Variants in DOCK3 observed in about 807,000 individuals in gnomAD.
DOCK3 encodes dedicator of cytokinesis protein 3.
DOCK3 carries 60 observed loss-of-function variants against 265.6 expected under a neutral mutation model. The ratio of observed to expected loss-of-function variants is 0.23; its 90% CI spans 0.18 to 0.28. The LOEUF (loss-of-function observed/expected upper bound fraction) is 0.28, where lower values mean the gene tolerates loss of function less well. Ranked by LOEUF, DOCK3 falls within the 10% of genes least tolerant of loss-of-function variation. DOCK3 has a pLI of 1.00. For missense variants in DOCK3, 1,981 were observed against 2,594.3 expected, an observed-to-expected ratio of 0.76 and a Z score of 5.14; for synonymous variants, 881 against 938.0, an observed-to-expected ratio of 0.94 and a Z score of 1.11.
chr3:51,151,252 T>G (rs2085574955), intron 10 of DOCK3, among the ~76,000 whole-genome samples: 1 of 152,194 alleles, frequency 6.6e-6, no homozygotes, highest in Non-Finnish European at 1.5e-5. Context: ...TGATGGGTCT[T>G]GACTCTTTAT....
rs555699913 is a variant in DOCK3, at chr3:51,177,754, G to A, written c.1037+17052G>A. On this transcript the variant is annotated intron_variant, in intron 12 of 52. Coordinates refer to ENST00000266037, the MANE Select transcript of DOCK3 (RefSeq NM_004947.5). ...ATCTGTAATCCCAGAACTTTGGGAGGCCGAGACAGGCAGATGATCTGAGGT... is the reference window on the plus strand; with the variant it reads ...ATCTGTAATCCCAGAACTTTGGGAGACCGAGACAGGCAGATGATCTGAGGT... Among the ~76,000 whole-genome samples, 17 of 152,260 alleles carry A rather than the reference G, an allele frequency of 1.1e-4. No individual in the cohort carries two copies. In the East Asian group the frequency reaches 2.7e-3, roughly 24 times the overall value.
At chr3:51,062,546 G>A (rs139228604) in intron 5 of DOCK3, among the ~76,000 whole-genome samples, 2,579 of 152,088 alleles carry the variant, frequency 0.017, 53 homozygotes, top group African/African-American at 0.042. Context: ...GCCTACCCTT[G>A]GCCACTCTGA....
At chr3:50,948,257 G>A (rs1205981076) in intron 5 of DOCK3, among the ~76,000 whole-genome samples, 2 of 151,092 alleles carry the variant, frequency 1.3e-5, no homozygotes, top group African/African-American at 4.9e-5. Context: ...GGGTTTCACT[G>A]TGTTAGCCAG....
At chr3:51,151,112 C>G (rs1391119198) in intron 10 of DOCK3, among the ~76,000 whole-genome samples, 2 of 151,844 alleles carry the variant, frequency 1.3e-5, no homozygotes, top group Non-Finnish European at 2.9e-5. Flanking sequence ...TCTGCCTTAT[C>G]AGAGACTAGG....
chr3:50,796,267 G>A (rs1386164308), intron 2 of DOCK3, among the ~76,000 whole-genome samples: 1 of 151,868 alleles, frequency 6.6e-6, no homozygotes, highest in South Asian at 2.1e-4. Flanking sequence ...TCCTGACCTC[G>A]TGATCCGCCC....
intron 5 of DOCK3, among the ~76,000 whole-genome samples, chr3:51,024,234 C>T (rs1442531655): frequency 2.6e-5 from 4 of 152,174 alleles, no homozygotes; most frequent in African/African-American, 9.7e-5. Context: ...GGCCAGTTCA[C>T]TGTCTCCTAT....
intron 3 of DOCK3, among the ~76,000 whole-genome samples, chr3:50,868,755 T>C (rs747260118): frequency 1.2e-4 from 19 of 152,248 alleles, no homozygotes; most frequent in Admixed American, 5.2e-4. Flanking sequence ...GTAAGTTGGA[T>C]GTCTAGGAAT....
chr3:51,091,798 C>T (rs533621089), intron 9 of DOCK3, among the ~76,000 whole-genome samples: 6 of 152,154 alleles, frequency 3.9e-5, no homozygotes, highest in South Asian at 2.1e-4. Context: ...GCATTTCAGC[C>T]GAGGTACCCG....
At position 51,232,730 on chromosome 3, in the gene DOCK3, G is replaced by T. The variant is rs185061117; in HGVS notation, c.1917+3121G>T. ...CCACTTTTTGATGGGATTATTTGTGGTTTTTTGCTGATTTGTTTGAGCTCC... is the reference window on the plus strand; with the variant it reads ...CCACTTTTTGATGGGATTATTTGTGTTTTTTTGCTGATTTGTTTGAGCTCC... On this transcript the variant is annotated intron_variant, in intron 19 of 52. Coordinates refer to ENST00000266037, the MANE Select transcript of DOCK3 (RefSeq NM_004947.5). Among the ~76,000 whole-genome samples the T allele has an allele frequency of 5.3e-5, 8 of 152,154 alleles. No individual in the cohort carries two copies. The East Asian group carries it at 1.2e-3, about 22-fold the overall frequency.
At chr3:51,278,308 G>C in intron 26 of DOCK3, 1 of 985,408 alleles carries the variant, frequency 1.0e-6, no homozygotes, top group Non-Finnish European at 1.2e-6. Context: ...AAACTGGGAA[G>C]GCTTCTCAGG....
intron 5 of DOCK3, among the ~76,000 whole-genome samples, chr3:51,044,679 C>T (rs987053133): frequency 1.1e-4 from 16 of 151,710 alleles, no homozygotes; most frequent in African/African-American, 3.6e-4. Flanking sequence ...CTGTTGTTTC[C>T]TGTACCCATG....
intron 4 of DOCK3, among the ~76,000 whole-genome samples, chr3:50,933,266 G>A (rs1046093846): frequency 2.0e-5 from 3 of 152,132 alleles, no homozygotes; most frequent in Non-Finnish European, 4.4e-5. Context: ...TACTGTCCAT[G>A]TCTGTCTGAT....
At chr3:51,277,819 C>A in intron 26 of DOCK3, 65 bp downstream of exon 26, 1 of 1,558,844 alleles carries the variant, frequency 6.4e-7, no homozygotes, top group Non-Finnish European at 8.7e-7. Flanking sequence ...CACAACACTC[C>A]CCCTCCATCT....
At chr3:51,195,580 A>G (rs1160205473) in intron 12 of DOCK3, among the ~76,000 whole-genome samples, 3 of 151,820 alleles carry the variant, frequency 2.0e-5, no homozygotes, top group African/African-American at 4.8e-5. Context: ...ACGCTCAGCT[A>G]ATTTTTTTTG....
At chr3:51,017,495 T>C (rs111566860) in intron 5 of DOCK3, among the ~76,000 whole-genome samples, 2,587 of 151,928 alleles carry the variant, frequency 0.017, 86 homozygotes, top group African/African-American at 0.042. Context: ...TGGGTACTTG[T>C]AGCTATAAAT....
At position 51,230,557 on chromosome 3, in the gene DOCK3, G is replaced by A. The variant is rs183356728; in HGVS notation, c.1917+948G>A. Among the ~76,000 whole-genome samples, 20 of 151,706 alleles carry A rather than the reference G, an allele frequency of 1.3e-4. No homozygotes were observed. The East Asian group carries it at 3.1e-3, about 24-fold the overall frequency. ...TTTTGAGACAGAGTCTCACTCTGTCGCCAGGCTGGAGTGCAGTGGCGCAAT... is the reference window on the plus strand; with the variant it reads ...TTTTGAGACAGAGTCTCACTCTGTCACCAGGCTGGAGTGCAGTGGCGCAAT... On this transcript the variant is annotated intron_variant, in intron 19 of 52. Transcript: ENST00000266037.
intron 1 of DOCK3, among the ~76,000 whole-genome samples, chr3:50,677,050 C>T (rs540378225): frequency 2.8e-4 from 43 of 152,148 alleles, no homozygotes; most frequent in Admixed American, 2.7e-3. Flanking sequence ...CAAGATGCAA[C>T]GAAATTCTTG....
At chr3:50,880,219 G>T (rs1008773692) in intron 3 of DOCK3, among the ~76,000 whole-genome samples, 1 of 152,196 alleles carries the variant, frequency 6.6e-6, no homozygotes, top group African/African-American at 2.4e-5. Flanking sequence ...ACAATTGAAA[G>T]AACTAGAGAA....
At chr3:50,685,792 A>G in intron 1 of DOCK3, 1 of 194,930 alleles carries the variant, frequency 5.1e-6, no homozygotes, top group South Asian at 1.3e-4. Flanking sequence ...AGGGCTGTCC[A>G]TGGCCTAGAA....
Sources: gnomAD v4.1 joint callset for allele counts (sites outside exome capture counted in the v4.1 genomes callset) on GRCh38, gnomAD v4.1.1 for gene constraint, MANE v1.5 for transcripts, NCBI Gene and HGNC (gene_info 2026-07-23, HGNC 2026-07-21) for gene names.